The following IPO11 variants were observed in gnomAD, a reference collection of about 807,000 sequenced individuals.
The protein encoded by IPO11 is importin-11.
In IPO11, 66 loss-of-function variants were observed where a neutral mutation model predicts 143.2. That is an observed-to-expected ratio of 0.46 (90% CI 0.38 to 0.57). The LOEUF is 0.57. Ranked by LOEUF, IPO11 falls within the 20% of genes least tolerant of loss-of-function variation. The pLI, the probability that IPO11 is intolerant of heterozygous loss-of-function variation, is 0.00. For synonymous variants in IPO11, 385 were observed against 377.8 expected (o/e 1.02, Z -0.22); for missense variants, 1,026 against 1,141.0 (o/e 0.90, Z 1.45).
At chr5:62,509,023 A>G (rs1302604859) in intron 19 of IPO11, among the ~76,000 whole-genome samples, 2 of 152,248 alleles carry the variant, frequency 1.3e-5, no homozygotes, top group Admixed American at 6.5e-5. Flanking sequence ...GTGCTTTCTG[A>G]CACATACAGT....
At chr5:62,579,849 A>G (rs1744476581) in intron 27 of IPO11, 2 of 1,548,626 alleles carry the variant, frequency 1.3e-6, no homozygotes, top group African/African-American at 1.4e-5. Context: ...TTCGTAATTT[A>G]TATTTACAGT....
chr5:62,479,521 C>T (rs1038103348), intron 9 of IPO11, among the ~76,000 whole-genome samples: 1 of 152,310 alleles, frequency 6.6e-6, no homozygotes, highest in South Asian at 2.1e-4. Context: ...ACACTGTCTT[C>T]CACAATGGTT....
intron 1 of IPO11, among the ~76,000 whole-genome samples, chr5:62,433,718 G>A (rs2112121654): frequency 6.6e-6 from 1 of 152,294 alleles, no homozygotes; most frequent in East Asian, 1.9e-4. Context: ...AAGGAGGCAG[G>A]GATGGGAAAC....
intron 21 of IPO11, among the ~76,000 whole-genome samples, chr5:62,526,994 CTG>C (rs975136698): frequency 5.6e-5 from 8 of 142,108 alleles, no homozygotes; most frequent in Non-Finnish European, 7.7e-5. Flanking sequence ...TTGGAACTAA[CTG>C]TTTTTGTTAG....
intron 24 of IPO11, among the ~76,000 whole-genome samples, chr5:62,548,193 TCTC>T (rs1420517062): frequency 2.0e-5 from 3 of 152,174 alleles, no homozygotes; most frequent in Admixed American, 6.6e-5. Context: ...TGTGATTACT[TCTC>T]CTTTTCTGTA....
chr5:62,514,183 A>G (rs1467436132), intron 19 of IPO11, among the ~76,000 whole-genome samples: 1 of 151,686 alleles, frequency 6.6e-6, no homozygotes, highest in Non-Finnish European at 1.5e-5. Flanking sequence ...CACTTCCCAG[A>G]CGGGGTGGCG....
rs554115905 is a variant in IPO11 at position 62,580,724 on chromosome 5, C to T, written c.2583-10853C>T. 23 of 1,551,272 alleles carry T rather than the reference C, an allele frequency of 1.5e-5. No individual in the cohort carries two copies. The highest frequency in any genetic ancestry group is 1.3e-4 in the South Asian group (11 of 84,052). On this transcript the variant is annotated intron_variant, in intron 27 of 29. Coordinates refer to ENST00000325324, the MANE Select transcript of IPO11 (RefSeq NM_016338.5). Reference sequence around the variant, plus strand: ...CCTCATATTCATCACAAGACTACTGCGCTAATGATGGCCTGGCATAAAGTA... The same window carrying T: ...CCTCATATTCATCACAAGACTACTGTGCTAATGATGGCCTGGCATAAAGTA...
At chr5:62,483,324 T>A in intron 10 of IPO11, 31 bp downstream of exon 10, 3 of 1,301,230 alleles carry the variant, frequency 2.3e-6, no homozygotes, top group Non-Finnish European at 3.2e-6. Context: ...TTAAAAGAAT[T>A]ATTTTAATCT....
rs1744141522 is a variant in IPO11, at chr5:62,435,114, A to G, written c.-6-2160A>G. Reference sequence around the variant, plus strand: ...TATGTATATATGTATATATATGTATATATGTATATATGTATATATATGTAT... The same window carrying G: ...TATGTATATATGTATATATATGTATGTATGTATATATGTATATATATGTAT... On this transcript the variant is annotated intron_variant, in intron 1 of 29. Coordinates refer to ENST00000325324, the MANE Select transcript of IPO11 (RefSeq NM_016338.5). Among the ~76,000 whole-genome samples, 3 of 102,268 alleles carry G rather than the reference A, an allele frequency of 2.9e-5. No homozygotes were observed. The South Asian group carries it at 8.1e-4, about 28-fold the overall frequency. The allele number at this position is 102,268 out of a possible 152,430, so 67.1% of individuals were successfully genotyped here.
intron 27 of IPO11, chr5:62,580,925 T>C: frequency 6.4e-7 from 1 of 1,551,258 alleles, no homozygotes; most frequent in Non-Finnish European, 8.7e-7. Context: ...ACCTTGAACT[T>C]GGAAAAAAAC....
At chr5:62,544,986 T>C (rs572805729) in intron 24 of IPO11, among the ~76,000 whole-genome samples, 79 of 152,184 alleles carry the variant, frequency 5.2e-4, no homozygotes, top group African/African-American at 1.9e-3. Context: ...TGCTCATGGA[T>C]AGGAAGAATC....
intron 10 of IPO11, 170 bp downstream of exon 10, chr5:62,483,463 T>G (rs1432868643): frequency 3.9e-6 from 2 of 508,514 alleles, no homozygotes; most frequent in East Asian, 6.7e-5. Flanking sequence ...TACTAGCTTT[T>G]AAAAACAACA....
chr5:62,444,208 T>A (rs1744624526), intron 3 of IPO11, among the ~76,000 whole-genome samples: 1 of 151,438 alleles, frequency 6.6e-6, no homozygotes, highest in Non-Finnish European at 1.5e-5. Context: ...CCATTCTGCC[T>A]CAGCCTCCCG....
intron 27 of IPO11, among the ~76,000 whole-genome samples, chr5:62,577,590 A>G (rs929852917): frequency 2.0e-5 from 3 of 152,096 alleles, no homozygotes; most frequent in African/African-American, 4.8e-5. Flanking sequence ...AATTCATATC[A>G]TTTCTGTCAC....
In IPO11 at chr5:62,628,446, A is replaced by G. The variant is rs1350492288; in HGVS notation, c.*1128A>G. On this transcript the variant is annotated 3_prime_UTR_variant, in exon 30 of 30. Coordinates refer to ENST00000325324, the MANE Select transcript of IPO11 (RefSeq NM_016338.5). ...GAAAATGTTTTATCTTTCTATAGAAAGTTGGGTACAGTATGTAACTGCGGG... is the reference window on the plus strand; with the variant it reads ...GAAAATGTTTTATCTTTCTATAGAAGGTTGGGTACAGTATGTAACTGCGGG... 1 of 152,668 alleles carries G rather than the reference A, an allele frequency of 6.6e-6. No homozygotes were observed. Among genetic ancestry groups the G allele is most frequent in the Non-Finnish European group, 1.5e-5 (1 of 68,040 alleles). The allele number at this position is 152,668 out of a possible 1,614,324, so 9.5% of individuals were successfully genotyped here.
In IPO11 at chr5:62,475,172, G is replaced by A. The variant is rs78088106; in HGVS notation, c.757+708G>A. Among the ~76,000 whole-genome samples, 229 of 151,990 alleles carry A rather than the reference G, an allele frequency of 1.5e-3. 3 individuals are homozygous for A. The East Asian group carries it at 0.018, about 12-fold the overall frequency. On this transcript the variant is annotated intron_variant, in intron 8 of 29. Coordinates refer to ENST00000325324, the MANE Select transcript of IPO11 (RefSeq NM_016338.5). ...TCCGCCCACCTTTGTCTCCCAAAGTGTTGGAATTGCAGATATGAGCCACCT... is the reference window on the plus strand; with the variant it reads ...TCCGCCCACCTTTGTCTCCCAAAGTATTGGAATTGCAGATATGAGCCACCT...
At chr5:62,620,687 A>G (rs1746323837) in intron 29 of IPO11, among the ~76,000 whole-genome samples, 1 of 152,222 alleles carries the variant, frequency 6.6e-6, no homozygotes, top group African/African-American at 2.4e-5. Flanking sequence ...TGTGGAGACC[A>G]AAGTTTTATC....
chr5:62,567,393 T>C (rs1049076363), intron 27 of IPO11, among the ~76,000 whole-genome samples: 5 of 151,828 alleles, frequency 3.3e-5, no homozygotes, highest in African/African-American at 4.8e-5. Flanking sequence ...AATCATCTTA[T>C]GTGGGTTGAA....
chr5:62,620,922 T>C (rs1361375116), intron 29 of IPO11, among the ~76,000 whole-genome samples: 1 of 152,252 alleles, frequency 6.6e-6, no homozygotes, highest in East Asian at 1.9e-4. Context: ...CTTACAATTT[T>C]ATTTCTGGTT....
Sources: allele counts gnomAD v4.1 joint callset (sites outside exome capture counted in the v4.1 genomes callset), GRCh38; gene constraint gnomAD v4.1.1; transcripts MANE v1.5; gene names NCBI Gene and HGNC (gene_info 2026-07-23, HGNC 2026-07-21).